The following PHEX variants were observed in gnomAD, a reference collection of about 807,000 sequenced individuals.
PHEX encodes the protein phosphate regulating endopeptidase X-linked.
In PHEX, 16 loss-of-function variants were observed where a neutral mutation model predicts 68.0. That is an observed-to-expected ratio of 0.24 (90% CI 0.16 to 0.36). The LOEUF is 0.36. Ranked by LOEUF, PHEX falls within the 10% of genes least tolerant of loss-of-function variation. PHEX has a pLI of 1.00. For missense variants in PHEX, 480 were observed against 575.5 expected (o/e 0.83, Z 1.70); for synonymous variants, 208 against 205.1 (o/e 1.01, Z -0.12).
chrX:22,097,818 G>T (rs1462888986), intron 8 of PHEX: 2 of 384,464 alleles, frequency 5.2e-6, no homozygotes, highest in African/African-American at 5.6e-5. Context: ...TCCAGGCTGG[G>T]GTGCAGTGGT....
At chrX:22,242,272 G>C (rs5951732) in intron 20 of PHEX, among the ~76,000 whole-genome samples, 1 of 111,712 alleles carries the variant, frequency 9.0e-6, no homozygotes, top group African/African-American at 3.3e-5. Context: ...TCGATGGAAC[G>C]TATCTCAAAA....
At chrX:22,064,050 G>A (rs1187806981) in intron 3 of PHEX, among the ~76,000 whole-genome samples, 1 of 112,704 alleles carries the variant, frequency 8.9e-6, no homozygotes, top group Non-Finnish European at 1.9e-5. Flanking sequence ...CTAAGAAAGA[G>A]TAAGCTATTA....
At chrX:22,122,178 C>T (rs1311484744) in intron 11 of PHEX, among the ~76,000 whole-genome samples, 4 of 111,454 alleles carry the variant, frequency 3.6e-5, no homozygotes, top group Admixed American at 9.6e-5. Context: ...AGGAGTTTTT[C>T]GTTCCTTGCA....
At chrX:22,079,543 T>C (rs752871381) in intron 5 of PHEX, among the ~76,000 whole-genome samples, 1 of 111,464 alleles carries the variant, frequency 9.0e-6, no homozygotes, top group Non-Finnish European at 1.9e-5. Context: ...AATTCCATAA[T>C]TAACATCTAA....
intron 2 of PHEX, among the ~76,000 whole-genome samples, chrX:22,046,417 A>G (rs1360936341): frequency 8.9e-6 from 1 of 111,795 alleles, no homozygotes; most frequent in Non-Finnish European, 1.9e-5. Context: ...GCAGAAGGAC[A>G]AGCAGGATAG....
intron 5 of PHEX, among the ~76,000 whole-genome samples, chrX:22,084,951 AT>A (rs1304844472): frequency 1.8e-5 from 2 of 109,201 alleles, no homozygotes; most frequent in East Asian, 2.9e-4. Flanking sequence ...TTTTTCATTA[AT>A]TTTTTTTGGT....
At chrX:22,166,223 T>G (rs1038493579) in intron 12 of PHEX, among the ~76,000 whole-genome samples, 1 of 112,201 alleles carries the variant, frequency 8.9e-6, no homozygotes, top group African/African-American at 3.2e-5. Context: ...TCTTTCACAA[T>G]GTTGCAAAGA....
At chrX:22,129,143 G>A (rs1046803742) in intron 11 of PHEX, among the ~76,000 whole-genome samples, 2 of 111,012 alleles carry the variant, frequency 1.8e-5, no homozygotes, top group African/African-American at 3.3e-5. Flanking sequence ...GTGACTATTG[G>A]GTGCGTATAT....
rs1017572813 is a variant in PHEX, at chrX:22,249,735, T to G, written c.*1782T>G. On this transcript the variant is annotated 3_prime_UTR_variant, in exon 22 of 22. Transcript: ENST00000379374. The stretch of plus-strand genomic sequence containing the variant: ...AAAACAAGCAGTATTAGGTTGGAAT[T>G]GTATGTGTCTTTTCTCTGGAGGAAG... 37 of 108,842 alleles carry G rather than the reference T, an allele frequency of 3.4e-4. No homozygotes were observed. The highest frequency in any genetic ancestry group is 1.2e-3 in the African/African-American group (37 of 29,659). 9.0% of individuals were successfully genotyped at this position (108,842 alleles called of 1,213,427 possible).
At chrX:22,122,563 A>G (rs1931531849) in intron 11 of PHEX, among the ~76,000 whole-genome samples, 2 of 112,265 alleles carry the variant, frequency 1.8e-5, no homozygotes, top group Non-Finnish European at 3.7e-5. Flanking sequence ...TTTTCCTGTT[A>G]TAAATGATGC....
chrX:22,115,631 C>T (rs1468572026), intron 11 of PHEX, among the ~76,000 whole-genome samples: 1 of 112,199 alleles, frequency 8.9e-6, no homozygotes, highest in Non-Finnish European at 1.9e-5. Flanking sequence ...TACTGTTCTA[C>T]TCTCTGCTTC....
At position 22,209,443 on chromosome X, in the gene PHEX, A is replaced by T. The variant is rs775268174; in HGVS notation, c.1646-3461A>T. ...AAAATAACTCCATACACTGTACTGAATGCTGTTTTTCACTTAATATTTCTT... is the reference window on the plus strand; with the variant it reads ...AAAATAACTCCATACACTGTACTGATTGCTGTTTTTCACTTAATATTTCTT... On this transcript the variant is annotated intron_variant, in intron 15 of 21. Transcript: ENST00000379374. Among the ~76,000 whole-genome samples the T allele has an allele frequency of 2.7e-5, 3 of 109,619 alleles. No homozygotes were observed. The South Asian group carries it at 1.2e-3, about 43-fold the overall frequency.
At chrX:22,047,325 T>C in intron 3 of PHEX, 114 bp downstream of exon 3, 1 of 652,574 alleles carries the variant, frequency 1.5e-6, no homozygotes, top group Admixed American at 2.6e-5. Context: ...CATGCTAAAT[T>C]CATTTCCAAG....
rs774768015 is a variant in PHEX, at chrX:22,077,665, C to G, written c.626C>G (p.Ser209Cys). ...SNSVFIRLYV[S>C]PDDKASNEHI... is the part of the protein sequence containing the mutation. ...TCTGTGTTCATCCGTTTGTATGTGT[C>G]CCCTGATGACAAAGCATCCAATGAA... Residue 209 changes from serine (S) to cysteine (C), a missense_variant, in exon 5 of 22, where the codon TCC becomes TGC. Coordinates refer to ENST00000379374, the MANE Select transcript of PHEX (RefSeq NM_000444.6). 2.6e-5 allele frequency: 31 copies of G among 1,206,760 alleles called. No homozygotes were observed. In the South Asian group the frequency reaches 5.1e-4, roughly 20 times the overall value.
intron 21 of PHEX, among the ~76,000 whole-genome samples, chrX:22,247,203 C>G (rs987331894): frequency 8.9e-6 from 1 of 112,231 alleles, no homozygotes; most frequent in Non-Finnish European, 1.9e-5. Context: ...CTTCCCATAC[C>G]TAACACTAAT....
intron 12 of PHEX, chrX:22,162,654 A>T (rs751156834): frequency 5.3e-5 from 6 of 112,279 alleles, no homozygotes; most frequent in Admixed American, 1.9e-4. Flanking sequence ...ATTTTTAGTA[A>T]TTTTTTTCTC....
chrX:22,118,339 CAAAAA>C (rs1157170753), intron 11 of PHEX, among the ~76,000 whole-genome samples: 13 of 21,116 alleles, frequency 6.2e-4, no homozygotes, highest in Non-Finnish European at 1.1e-3. Flanking sequence ...TAAACAGCAC[CAAAAA>C]AAAAAAAAAA....
At chrX:22,093,712 C>T (rs1253104770) in intron 6 of PHEX, among the ~76,000 whole-genome samples, 2 of 111,612 alleles carry the variant, frequency 1.8e-5, no homozygotes, top group Non-Finnish European at 3.8e-5. Context: ...TCCATAATAT[C>T]GACGGTTGCC....
At chrX:22,150,216 G>C (rs750680995) in intron 12 of PHEX, among the ~76,000 whole-genome samples, 14 of 112,378 alleles carry the variant, frequency 1.2e-4, no homozygotes, top group South Asian at 1.1e-3. Flanking sequence ...CTGGAGCAAT[G>C]CTTCTGCAAC....
Sources: gnomAD v4.1 joint callset for allele counts (sites outside exome capture counted in the v4.1 genomes callset) on GRCh38, gnomAD v4.1.1 for gene constraint, MANE v1.5 for transcripts, NCBI Gene and HGNC (gene_info 2026-07-23, HGNC 2026-07-21) for gene names.